The following SLC39A11 variants were observed in gnomAD, a reference collection of about 807,000 sequenced individuals.
The protein encoded by SLC39A11 is zinc transporter ZIP11.
A neutral mutation model predicts 36.1 loss-of-function variants in SLC39A11; 33 were observed. That is an observed-to-expected ratio of 0.91 (90% CI 0.69 to 1.22). SLC39A11 has a LOEUF of 1.22. Among genes scored for constraint, SLC39A11 ranks in the 50% most tolerant of loss-of-function variants. SLC39A11 has a pLI of 0.00. For missense variants in SLC39A11, 432 were observed against 430.3 expected (o/e 1.00, Z -0.03); for synonymous variants, 166 against 170.3 (o/e 0.97, Z 0.20).
At position 72,649,186 on chromosome 17, in the gene SLC39A11, TGGA is replaced by T; in HGVS notation, c.751_753del (p.Ser251del). ...AGCACTCACCAGAAAGCTCTCCAGG[TGGA>T]GAAGCCTGCCCCTCGCAAGGGAAGG... On this transcript the variant is annotated inframe_deletion, in exon 8 of 10. Transcript: ENST00000255559. 1 of 1,613,928 alleles carries T rather than the reference TGGA, an allele frequency of 6.2e-7. No homozygotes were observed.
intron 7 of SLC39A11, among the ~76,000 whole-genome samples, chr17:72,670,987 C>T (rs979334926): frequency 6.6e-6 from 1 of 152,134 alleles, no homozygotes; most frequent in Non-Finnish European, 1.5e-5. Flanking sequence ...GTTGCAGATA[C>T]CAGGATGAAA....
chr17:73,073,257 G>A (rs967163004), intron 3 of SLC39A11, among the ~76,000 whole-genome samples: 2 of 152,216 alleles, frequency 1.3e-5, no homozygotes, highest in African/African-American at 4.8e-5. Flanking sequence ...ATGAGAGTGT[G>A]GAGTGCCAGT....
intron 6 of SLC39A11, chr17:72,837,999 G>A (rs1247512275): frequency 2.4e-6 from 3 of 1,231,258 alleles, no homozygotes; most frequent in Non-Finnish European, 3.0e-6. Context: ...AGGAATAGTG[G>A]TAGGTTGGGT....
At chr17:73,031,286 AC>A (rs1435044384) in intron 4 of SLC39A11, among the ~76,000 whole-genome samples, 1 of 128,074 alleles carries the variant, frequency 7.8e-6, no homozygotes, top group Non-Finnish European at 1.5e-5. Flanking sequence ...ATACAGTGCC[AC>A]CCAGCACATC....
chr17:72,841,882 C>A (rs186582935), intron 6 of SLC39A11, among the ~76,000 whole-genome samples: 1 of 149,106 alleles, frequency 6.7e-6, no homozygotes, highest in East Asian at 2.0e-4. Context: ...GGCAACATGG[C>A]AAAACCCTGT....
rs779542531 is a variant in SLC39A11 at position 73,031,654 on chromosome 17, A to G, written c.208T>C (p.Ser70Pro). 36 of 1,614,180 alleles carry G rather than the reference A, an allele frequency of 2.2e-5. No individual in the cohort carries two copies. The South Asian group carries it at 3.8e-4, about 17-fold the overall frequency. Residue 70 changes from serine (S) to proline (P), a missense_variant, in exon 4 of 10, where the codon TCT becomes CCT. Coordinates refer to ENST00000255559, the MANE Select transcript of SLC39A11 (RefSeq NM_139177.4). Reference protein sequence around the residue: ...LAPAVEMATSSGGFGAFAFFP... With the variant: ...LAPAVEMATSPGGFGAFAFFP... ...AAGGCAAAGGCACCGAAGCCCCCAG[A>G]GGACGTGGCCATCTCAACTGCTGGG...
chr17:73,046,477 G>A (rs184379914), intron 3 of SLC39A11, among the ~76,000 whole-genome samples: 16 of 152,166 alleles, frequency 1.1e-4, no homozygotes, highest in East Asian at 3.9e-4. Flanking sequence ...AGGACTGCCC[G>A]ATATAGCAAA....
chr17:72,974,259 T>G (rs2087672782), intron 4 of SLC39A11, among the ~76,000 whole-genome samples: 2 of 151,976 alleles, frequency 1.3e-5, no homozygotes, highest in Admixed American at 1.3e-4. Flanking sequence ...GCCACCACAC[T>G]TGGCTAATTT....
At chr17:72,814,191 T>C (rs1382178443) in intron 6 of SLC39A11, among the ~76,000 whole-genome samples, 2 of 152,234 alleles carry the variant, frequency 1.3e-5, no homozygotes, top group East Asian at 1.9e-4. Context: ...AGGGGATTCA[T>C]GGCTACCATA....
At chr17:72,781,613 C>T (rs984415879) in intron 6 of SLC39A11, among the ~76,000 whole-genome samples, 10 of 151,926 alleles carry the variant, frequency 6.6e-5, no homozygotes, top group Non-Finnish European at 1.0e-4. Flanking sequence ...TTAATAGAGA[C>T]GGGATTTCAC....
At chr17:72,885,569 T>G (rs2081401727) in intron 5 of SLC39A11, among the ~76,000 whole-genome samples, 1 of 152,196 alleles carries the variant, frequency 6.6e-6, no homozygotes, top group African/African-American at 2.4e-5. Context: ...GCACTACTTA[T>G]CAGATCTACC....
intron 3 of SLC39A11, chr17:73,073,902 G>A (rs1182340367): frequency 6.6e-6 from 1 of 152,124 alleles, no homozygotes; most frequent in Non-Finnish European, 1.5e-5. Context: ...CAGAGTCCAT[G>A]AGCCTATTCC....
chr17:72,761,962 CAG>C (rs2075596784), intron 6 of SLC39A11, among the ~76,000 whole-genome samples: 3 of 152,288 alleles, frequency 2.0e-5, no homozygotes, highest in African/African-American at 7.2e-5. Context: ...CAGTTATGAG[CAG>C]AGAGGGACAG....
At chr17:72,822,684 T>TA (rs1438253647) in intron 6 of SLC39A11, among the ~76,000 whole-genome samples, 1 of 151,082 alleles carries the variant, frequency 6.6e-6, no homozygotes, top group East Asian at 1.9e-4. Context: ...ACAAAGGAAA[T>TA]AAGTGGCAAA....
intron 4 of SLC39A11, among the ~76,000 whole-genome samples, chr17:73,006,986 G>A (rs912064957): frequency 2.0e-5 from 3 of 152,174 alleles, no homozygotes; most frequent in Non-Finnish European, 2.9e-5. Flanking sequence ...TCCGTGTCAG[G>A]CTCTGTGCCA....
chr17:72,878,388 G>T (rs2081029403), intron 5 of SLC39A11, among the ~76,000 whole-genome samples: 1 of 152,144 alleles, frequency 6.6e-6, no homozygotes, highest in Admixed American at 6.5e-5. Context: ...ATGTATTTTA[G>T]GAAAATAAAC....
chr17:72,851,468 G>C (rs1035686000), intron 5 of SLC39A11, among the ~76,000 whole-genome samples: 2 of 152,178 alleles, frequency 1.3e-5, no homozygotes, highest in Non-Finnish European at 2.9e-5. Context: ...CCTTTATTGG[G>C]AGAGAAAACC....
At chr17:72,920,774 C>T (rs1229014327) in intron 5 of SLC39A11, among the ~76,000 whole-genome samples, 1 of 147,752 alleles carries the variant, frequency 6.8e-6, no homozygotes, top group Non-Finnish European at 1.5e-5. Context: ...ACCCCCTCTA[C>T]AACACCTACA....
At chr17:72,923,932 C>T (rs1335272364) in intron 5 of SLC39A11, among the ~76,000 whole-genome samples, 1 of 150,698 alleles carries the variant, frequency 6.6e-6, no homozygotes, top group African/African-American at 2.4e-5. Context: ...ATCTTTTGAG[C>T]CCAGGAGTTC....
Sources: allele counts gnomAD v4.1 joint callset (sites outside exome capture counted in the v4.1 genomes callset), GRCh38; gene constraint gnomAD v4.1.1; transcripts MANE v1.5; gene names NCBI Gene and HGNC (gene_info 2026-07-23, HGNC 2026-07-21).